Variants in NTRK3 observed in about 807,000 individuals in gnomAD.
NTRK3 encodes neurotrophic receptor tyrosine kinase 3, also known as NT-3 growth factor receptor.
In NTRK3, 24 loss-of-function variants were observed where a neutral mutation model predicts 91.7. The observed-to-expected ratio is 0.26, with a 90% confidence interval of 0.19 to 0.37. The LOEUF (loss-of-function observed/expected upper bound fraction) is 0.37. NTRK3 is among the 10% of genes least tolerant of loss of function. The pLI is 1.00. For missense variants in NTRK3, 880 were observed against 1,068.9 expected (o/e 0.82, Z 2.46); for synonymous variants, 483 against 404.0 (o/e 1.20, Z -2.34).
intron 13 of NTRK3, among the ~76,000 whole-genome samples, chr15:88,060,265 T>A (rs1327839705): frequency 2.0e-5 from 3 of 151,406 alleles, no homozygotes; most frequent in Admixed American, 1.3e-4. Context: ...TTGCCTGTAA[T>A]CCCAGCTACT....
intron 13 of NTRK3, among the ~76,000 whole-genome samples, chr15:88,066,885 T>C (rs978105111): frequency 2.6e-5 from 4 of 152,170 alleles, no homozygotes; most frequent in Non-Finnish European, 4.4e-5. Flanking sequence ...GGTCAGTTAG[T>C]AGGGTGGCTG....
At chr15:88,254,425 G>A (rs2053778868) in intron 3 of NTRK3, among the ~76,000 whole-genome samples, 1 of 152,182 alleles carries the variant, frequency 6.6e-6, no homozygotes, top group Admixed American at 6.5e-5. Context: ...CCGGGTTGAA[G>A]AGGGTAAGGG....
intron 13 of NTRK3, among the ~76,000 whole-genome samples, chr15:88,093,134 G>A (rs1448162253): frequency 6.8e-6 from 1 of 147,950 alleles, no homozygotes; most frequent in Non-Finnish European, 1.5e-5. Flanking sequence ...GTAAAACCAA[G>A]TGTCATTTTT....
chr15:88,118,847 T>C (rs540777100), intron 13 of NTRK3, among the ~76,000 whole-genome samples: 1 of 152,244 alleles, frequency 6.6e-6, no homozygotes, highest in East Asian at 1.9e-4. Context: ...GTGGGAGCCA[T>C]TTGCAACAAC....
At chr15:87,975,839 C>T (rs930672988) in intron 14 of NTRK3, among the ~76,000 whole-genome samples, 16 of 152,182 alleles carry the variant, frequency 1.1e-4, no homozygotes, top group Non-Finnish European at 1.8e-4. Context: ...GGCCTTGCCT[C>T]ATTCTTTATA....
At chr15:88,138,012 C>T (rs1227452710) in intron 6 of NTRK3, among the ~76,000 whole-genome samples, 1 of 152,016 alleles carries the variant, frequency 6.6e-6, no homozygotes, top group Non-Finnish European at 1.5e-5. Context: ...GATCACACCA[C>T]TGCACTCCAG....
At chr15:87,904,258 C>T (rs1196065829) in intron 17 of NTRK3, among the ~76,000 whole-genome samples, 1 of 151,298 alleles carries the variant, frequency 6.6e-6, no homozygotes, top group African/African-American at 2.4e-5. Context: ...TCAAGTGCTT[C>T]TCCTGCCTCA....
At chr15:88,095,897 T>A (rs1281755870) in intron 13 of NTRK3, among the ~76,000 whole-genome samples, 1 of 152,146 alleles carries the variant, frequency 6.6e-6, no homozygotes, top group East Asian at 1.9e-4. Flanking sequence ...AACCAGGAAA[T>A]CAGCCCAATT....
intron 14 of NTRK3, among the ~76,000 whole-genome samples, chr15:87,945,824 A>C (rs1284483134): frequency 6.6e-6 from 1 of 151,794 alleles, no homozygotes; most frequent in East Asian, 1.9e-4. Context: ...AAAAAAAAAA[A>C]AAAAACAGAT....
chr15:87,914,357 A>G (rs1192534067), intron 17 of NTRK3, among the ~76,000 whole-genome samples: 1 of 152,180 alleles, frequency 6.6e-6, no homozygotes, highest in Non-Finnish European at 1.5e-5. Context: ...TTGGCAGGGA[A>G]TCAGATCCAG....
chr15:87,965,705 T>A (rs546992088), intron 14 of NTRK3, among the ~76,000 whole-genome samples: 1 of 152,350 alleles, frequency 6.6e-6, no homozygotes, highest in East Asian at 1.9e-4. Flanking sequence ...TCTTAACTGA[T>A]CATTTTGATT....
intron 13 of NTRK3, among the ~76,000 whole-genome samples, chr15:88,109,741 A>C (rs2051124212): frequency 6.6e-6 from 1 of 152,164 alleles, no homozygotes; most frequent in African/African-American, 2.4e-5. Flanking sequence ...CCATCCACTG[A>C]GATTCTGACC....
At chr15:87,866,952 G>GA (rs1245340257) in exon 19 of NTRK3, 2 of 214,772 alleles carry the variant, frequency 9.3e-6, no homozygotes, top group Non-Finnish European at 1.9e-5. Flanking sequence ...TAGGGGCCTA[G>GA]AAAAAATGAA....
chr15:88,169,796 G>A (rs1322141628), intron 5 of NTRK3, among the ~76,000 whole-genome samples: 1 of 152,098 alleles, frequency 6.6e-6, no homozygotes, highest in Middle Eastern at 3.2e-3. Flanking sequence ...CCTTTACCTG[G>A]CACAATCATC....
At chr15:88,229,142 A>G (rs2050948609) in intron 3 of NTRK3, among the ~76,000 whole-genome samples, 1 of 152,224 alleles carries the variant, frequency 6.6e-6, no homozygotes, top group Admixed American at 6.5e-5. Flanking sequence ...TTTTCATCAG[A>G]AAAATAAACC....
chr15:87,968,314 A>T (rs2072963778), intron 14 of NTRK3, among the ~76,000 whole-genome samples: 1 of 152,226 alleles, frequency 6.6e-6, no homozygotes, highest in Admixed American at 6.5e-5. Context: ...AAGTCCCAAG[A>T]CCAAAAACTT....
chr15:88,072,072 C>A (rs2047135301), intron 13 of NTRK3, among the ~76,000 whole-genome samples: 1 of 138,696 alleles, frequency 7.2e-6, no homozygotes, highest in Non-Finnish European at 1.5e-5. Flanking sequence ...GTGGTGTGAT[C>A]TCGGCTCCCT....
intron 13 of NTRK3, among the ~76,000 whole-genome samples, chr15:88,033,953 G>C (rs553873566): frequency 7.9e-5 from 12 of 152,306 alleles, no homozygotes; most frequent in African/African-American, 2.9e-4. Flanking sequence ...CAGAGGTTCT[G>C]ATTCCATTGG....
At chr15:88,013,090 G>A (rs1430542201) in intron 14 of NTRK3, among the ~76,000 whole-genome samples, 4 of 88,140 alleles carry the variant, frequency 4.5e-5, no homozygotes, top group Admixed American at 1.2e-4. Flanking sequence ...AGCTGAAACC[G>A]TGCACTGGTA....
Sources: gnomAD v4.1 joint callset for allele counts (sites outside exome capture counted in the v4.1 genomes callset) on GRCh38, gnomAD v4.1.1 for gene constraint, MANE v1.5 for transcripts, NCBI Gene and HGNC (gene_info 2026-07-23, HGNC 2026-07-21) for gene names.